GPR158: variants seen among roughly 807,000 people sequenced by gnomAD.
The protein encoded by GPR158 is G protein-coupled receptor 158.
In GPR158, 30 loss-of-function variants were observed where a neutral mutation model predicts 78.2. The ratio of observed to expected loss-of-function variants is 0.38; its 90% CI spans 0.29 to 0.52. The LOEUF is 0.52. GPR158 is among the 20% of genes least tolerant of loss of function. The probability of loss-of-function intolerance (pLI) is 0.83; values close to 1 mark genes in which losing one functional copy is unlikely to be tolerated. For missense variants in GPR158, 1,463 were observed against 1,523.5 expected (o/e 0.96, Z 0.66); for synonymous variants, 581 against 591.1 (o/e 0.98, Z 0.25).
intron 2 of GPR158, among the ~76,000 whole-genome samples, chr10:25,363,517 C>A (rs1351936434): frequency 1.3e-5 from 2 of 151,838 alleles, no homozygotes; most frequent in Non-Finnish European, 2.9e-5. Flanking sequence ...AGCTTTGTTG[C>A]AAGTCATTTG....
At chr10:25,331,792 A>C (rs1015270687) in intron 2 of GPR158, among the ~76,000 whole-genome samples, 2 of 152,200 alleles carry the variant, frequency 1.3e-5, no homozygotes, top group African/African-American at 2.4e-5. Flanking sequence ...CCCATTTTAT[A>C]ATGGTTCAAA....
intron 4 of GPR158, among the ~76,000 whole-genome samples, chr10:25,428,309 C>T (rs1834851075): frequency 6.6e-6 from 1 of 151,926 alleles, no homozygotes; most frequent in African/African-American, 2.4e-5. Context: ...TTTAAAATGA[C>T]ACATTTGACT....
intron 2 of GPR158, among the ~76,000 whole-genome samples, chr10:25,351,689 A>G (rs1855473960): frequency 6.7e-6 from 1 of 149,216 alleles, no homozygotes; most frequent in South Asian, 2.1e-4. Flanking sequence ...AAGTGCTGCC[A>G]TAGCAATAGT....
intron 6 of GPR158, among the ~76,000 whole-genome samples, chr10:25,559,113 A>G (rs1209653356): frequency 2.0e-5 from 3 of 152,144 alleles, no homozygotes; most frequent in Non-Finnish European, 4.4e-5. Flanking sequence ...TGCCTCAGGT[A>G]TTTTGAAGTT....
At chr10:25,585,220 G>C (rs939887152) in intron 7 of GPR158, among the ~76,000 whole-genome samples, 7 of 152,198 alleles carry the variant, frequency 4.6e-5, no homozygotes, top group African/African-American at 1.7e-4. Context: ...ATGTTAGATG[G>C]AGGGGCAAGG....
intron 8 of GPR158, among the ~76,000 whole-genome samples, chr10:25,591,241 C>T (rs368725499): frequency 3.3e-5 from 5 of 152,168 alleles, no homozygotes; most frequent in African/African-American, 1.2e-4. Context: ...GCAAGGAAAC[C>T]TACTTAATTT....
At chr10:25,240,359 A>T (rs973447365) in intron 2 of GPR158, among the ~76,000 whole-genome samples, 1 of 152,152 alleles carries the variant, frequency 6.6e-6, no homozygotes, top group African/African-American at 2.4e-5. Context: ...AAATACAAAA[A>T]TTAGCTAGGC....
intron 8 of GPR158, among the ~76,000 whole-genome samples, chr10:25,589,829 T>C (rs1837317418): frequency 6.6e-6 from 1 of 152,180 alleles, no homozygotes; most frequent in African/African-American, 2.4e-5. Context: ...AATGTATCCC[T>C]GATTCATATT....
intron 4 of GPR158, among the ~76,000 whole-genome samples, chr10:25,439,258 CAAGAG>C (rs1381683003): frequency 1.3e-5 from 2 of 152,158 alleles, no homozygotes; most frequent in South Asian, 2.1e-4. Flanking sequence ...TGGTGGCAGA[CAAGAG>C]AAGGAATGAG....
chr10:25,504,087 C>T (rs531115250), intron 5 of GPR158, among the ~76,000 whole-genome samples: 5 of 152,064 alleles, frequency 3.3e-5, no homozygotes, highest in South Asian at 2.1e-4. Flanking sequence ...CATAGGGTTT[C>T]GCCATATCAG....
At chr10:25,426,081 G>A (rs7916348) in intron 4 of GPR158, among the ~76,000 whole-genome samples, 101 of 152,142 alleles carry the variant, frequency 6.6e-4, no homozygotes, top group African/African-American at 2.1e-3. Flanking sequence ...GTTGTATGAC[G>A]CTAAGGTTGC....
chr10:25,566,445 C>T (rs186013898), intron 6 of GPR158, among the ~76,000 whole-genome samples: 1 of 152,186 alleles, frequency 6.6e-6, no homozygotes, highest in South Asian at 2.1e-4. Context: ...CTGGCCCCTC[C>T]TCTCATAACC....
chr10:25,533,604 T>C (rs1422058682), intron 5 of GPR158, among the ~76,000 whole-genome samples: 2 of 152,232 alleles, frequency 1.3e-5, no homozygotes, highest in African/African-American at 4.8e-5. Flanking sequence ...CTTCATTCTT[T>C]ATATATTTCA....
At chr10:25,309,172 A>T (rs563570283) in intron 2 of GPR158, among the ~76,000 whole-genome samples, 1 of 151,940 alleles carries the variant, frequency 6.6e-6, no homozygotes, top group Non-Finnish European at 1.5e-5. Flanking sequence ...ATTCTCACCA[A>T]TGGTGCATAA....
At chr10:25,536,225 T>TAAAG (rs1836498827) in intron 5 of GPR158, among the ~76,000 whole-genome samples, 1 of 152,128 alleles carries the variant, frequency 6.6e-6, no homozygotes, top group Non-Finnish European at 1.5e-5. Context: ...TCTTTAATAT[T>TAAAG]AAAGATATTA....
intron 5 of GPR158, among the ~76,000 whole-genome samples, chr10:25,543,130 TTA>T (rs1836611082): frequency 3.3e-5 from 5 of 151,472 alleles, no homozygotes; most frequent in Non-Finnish European, 7.4e-5. Context: ...ATTTTTATTT[TTA>T]TTTTTTGAGA....
intron 5 of GPR158, among the ~76,000 whole-genome samples, chr10:25,545,468 C>T (rs771778765): frequency 7.9e-5 from 12 of 152,082 alleles, no homozygotes; most frequent in South Asian, 2.1e-4. Flanking sequence ...TGATGATGAG[C>T]GTTGTTTCAT....
intron 1 of GPR158, among the ~76,000 whole-genome samples, chr10:25,196,818 G>A (rs891636643): frequency 1.3e-5 from 2 of 152,132 alleles, no homozygotes; most frequent in African/African-American, 4.8e-5. Flanking sequence ...GAGGGGATGT[G>A]GCAACTCATG....
chr10:25,505,478 TG>T (rs1392015379), intron 5 of GPR158, among the ~76,000 whole-genome samples: 5 of 152,336 alleles, frequency 3.3e-5, no homozygotes, highest in African/African-American at 1.2e-4. Flanking sequence ...CTCTCATCTC[TG>T]GATTTCTTTT....
Sources: allele counts gnomAD v4.1 joint callset (sites outside exome capture counted in the v4.1 genomes callset), GRCh38; gene constraint gnomAD v4.1.1; transcripts MANE v1.5; gene names NCBI Gene and HGNC (gene_info 2026-07-23, HGNC 2026-07-21).